Variants in DLGAP1 observed in about 807,000 individuals in gnomAD.
The protein encoded by DLGAP1 is DLG associated protein 1, also known as disks large-associated protein 1.
A neutral mutation model predicts 90.8 loss-of-function variants in DLGAP1; 11 were observed. That is an observed-to-expected ratio of 0.12 (90% CI 0.08 to 0.20). DLGAP1 has a LOEUF of 0.20. Among genes scored for constraint, DLGAP1 ranks in the 10% least tolerant of loss-of-function variants. The pLI is 1.00. For synonymous variants in DLGAP1, 558 were observed against 540.7 expected, an observed-to-expected ratio of 1.03 and a Z score of -0.44; for missense variants, 1,050 against 1,333.8, an observed-to-expected ratio of 0.79 and a Z score of 3.31.
At chr18:3,897,856 GCA>G in intron 3 of DLGAP1, among the ~76,000 whole-genome samples, 1 of 138,582 alleles carries the variant, frequency 7.2e-6, no homozygotes, top group South Asian at 2.4e-4. Context: ...CTGCAGTGGC[GCA>G]ATCTCGGCTC....
intron 2 of DLGAP1, among the ~76,000 whole-genome samples, chr18:4,075,611 C>T (rs1244475937): frequency 6.6e-6 from 1 of 152,124 alleles, no homozygotes; most frequent in Non-Finnish European, 1.5e-5. Flanking sequence ...AGTGACAAGA[C>T]CTCATTGAAC....
At position 4,290,572 on chromosome 18, in the gene DLGAP1, G is replaced by A. The variant is rs558260727; in HGVS notation, c.-266-139285C>T. On this transcript the variant is annotated intron_variant, in intron 1 of 12. Coordinates refer to ENST00000315677, the MANE Select transcript of DLGAP1 (RefSeq NM_004746.4). ...GTCGGGGAGAAGTTCAGTCTGTCTCGAGTCATCTTTTAGAATTCATCAAAG... is the reference window on the plus strand; with the variant it reads ...GTCGGGGAGAAGTTCAGTCTGTCTCAAGTCATCTTTTAGAATTCATCAAAG... Among the ~76,000 whole-genome samples, 9 of 152,210 alleles carry A rather than the reference G, an allele frequency of 5.9e-5. No homozygotes were observed. In the South Asian group the frequency reaches 8.3e-4, roughly 14 times the overall value.
chr18:3,576,452 G>C (rs1282688252), intron 8 of DLGAP1, among the ~76,000 whole-genome samples: 1 of 151,716 alleles, frequency 6.6e-6, no homozygotes, highest in African/African-American at 2.4e-5. Flanking sequence ...GTAGAGACTG[G>C]GTTTCACCAT....
At chr18:3,516,305 C>T (rs916449011) in intron 10 of DLGAP1, among the ~76,000 whole-genome samples, 1 of 151,532 alleles carries the variant, frequency 6.6e-6, no homozygotes, top group Admixed American at 6.6e-5. Context: ...TGTTTTGATA[C>T]AGGCATGCAC....
chr18:4,163,335 T>C (rs2076877279), intron 1 of DLGAP1, among the ~76,000 whole-genome samples: 1 of 152,192 alleles, frequency 6.6e-6, no homozygotes. Flanking sequence ...GGGAGAAAAG[T>C]CTATGAGCTT....
intron 5 of DLGAP1, among the ~76,000 whole-genome samples, chr18:3,743,804 C>G (rs1410309568): frequency 6.6e-6 from 1 of 152,102 alleles, no homozygotes. Context: ...TACACACCAC[C>G]ATGCCTGGCT....
rs758911486 is a variant in DLGAP1 at position 3,605,875 on chromosome 18, CA to C, written c.1592-23628del. Among the ~76,000 whole-genome samples, 188 of 152,102 alleles carry C rather than the reference CA, an allele frequency of 1.2e-3. 2 individuals carry two copies. Among genetic ancestry groups the C allele is most frequent in the African/African-American group, 3.5e-3 (147 of 41,498 alleles). On this transcript the variant is annotated intron_variant, in intron 7 of 12. Transcript: ENST00000315677. ...TTAAAAGCTAGCCGTAAACAAAAAC[CA>C]AAAAGTTTACCGAGGACACTGAGTG...
At chr18:4,447,617 T>C (rs552984737) in intron 1 of DLGAP1, among the ~76,000 whole-genome samples, 8 of 152,246 alleles carry the variant, frequency 5.3e-5, no homozygotes, top group African/African-American at 1.7e-4. Flanking sequence ...GTTTATAATA[T>C]TATTTAATTT....
intron 3 of DLGAP1, among the ~76,000 whole-genome samples, chr18:3,955,255 C>T (rs762477347): frequency 2.5e-4 from 38 of 152,200 alleles, no homozygotes; most frequent in Middle Eastern, 6.8e-3. Context: ...GGGCATGCTC[C>T]GGACTTGTCT....
At chr18:4,411,994 T>C (rs989322457) in intron 1 of DLGAP1, among the ~76,000 whole-genome samples, 5 of 152,328 alleles carry the variant, frequency 3.3e-5, no homozygotes, top group Non-Finnish European at 7.3e-5. Context: ...GACATGCTTA[T>C]ATAGGGAGAA....
intron 4 of DLGAP1, among the ~76,000 whole-genome samples, chr18:3,822,832 C>T (rs1029258646): frequency 2.2e-4 from 33 of 152,198 alleles, no homozygotes; most frequent in African/African-American, 7.2e-4. Context: ...AAGACACTCT[C>T]GTGATATCAC....
chr18:3,823,147 C>T (rs1428757239), intron 4 of DLGAP1, among the ~76,000 whole-genome samples: 5 of 152,176 alleles, frequency 3.3e-5, no homozygotes, highest in East Asian at 1.9e-4. Flanking sequence ...CTCCTCAATT[C>T]GAGGTCCATG....
intron 7 of DLGAP1, among the ~76,000 whole-genome samples, chr18:3,606,229 G>A (rs1450605699): frequency 2.0e-5 from 3 of 152,116 alleles, no homozygotes; most frequent in African/African-American, 4.8e-5. Flanking sequence ...GTGCCTTGAC[G>A]AGTCACCACG....
At chr18:4,190,684 C>G (rs1266614867) in intron 1 of DLGAP1, among the ~76,000 whole-genome samples, 1 of 152,076 alleles carries the variant, frequency 6.6e-6, no homozygotes, top group Non-Finnish European at 1.5e-5. Flanking sequence ...TAAAACTTCT[C>G]TAAAAACAAA....
intron 2 of DLGAP1, among the ~76,000 whole-genome samples, chr18:4,045,787 CTTTT>C (rs35705949): frequency 7.6e-6 from 1 of 132,184 alleles, no homozygotes; most frequent in African/African-American, 2.9e-5. Context: ...ATCTTTAAAA[CTTTT>C]TTTTTTTTTT....
chr18:3,829,154 A>G (rs1013913760), intron 4 of DLGAP1, among the ~76,000 whole-genome samples: 2 of 152,244 alleles, frequency 1.3e-5, no homozygotes, highest in African/African-American at 4.8e-5. Context: ...TAGACCAGAC[A>G]TGTGATTTTG....
At chr18:3,557,754 C>A (rs502520) in intron 9 of DLGAP1, among the ~76,000 whole-genome samples, 88,558 of 151,648 alleles carry the variant, frequency 0.58, 29,993 homozygotes, top group Non-Finnish European at 0.73. Flanking sequence ...TGGTGAAACC[C>A]TGTCTCTACT....
At chr18:4,070,322 AAAT>A (rs1273487174) in intron 2 of DLGAP1, among the ~76,000 whole-genome samples, 1 of 152,026 alleles carries the variant, frequency 6.6e-6, no homozygotes, top group Non-Finnish European at 1.5e-5. Context: ...CACAACAGCT[AAAT>A]ACTAGAGTTT....
At chr18:4,095,115 G>C (rs1408792298) in intron 2 of DLGAP1, among the ~76,000 whole-genome samples, 1 of 152,102 alleles carries the variant, frequency 6.6e-6, no homozygotes, top group Non-Finnish European at 1.5e-5. Flanking sequence ...CTTCCTGAGA[G>C]CATTTGAAAT....
Sources: gnomAD v4.1 joint callset for allele counts (sites outside exome capture counted in the v4.1 genomes callset) on GRCh38, gnomAD v4.1.1 for gene constraint, MANE v1.5 for transcripts, NCBI Gene and HGNC (gene_info 2026-07-23, HGNC 2026-07-21) for gene names.